Variants in IKZF2 observed in about 807,000 individuals in gnomAD.
The protein encoded by IKZF2 is IKAROS family zinc finger 2, also known as zinc finger protein Helios.
In IKZF2, 15 loss-of-function variants were observed where a neutral mutation model predicts 49.2. That is an observed-to-expected ratio of 0.30 (90% CI 0.20 to 0.47). The LOEUF is 0.47. Ranked by LOEUF, IKZF2 falls within the 20% of genes least tolerant of loss-of-function variation. The pLI, the probability that IKZF2 is intolerant of heterozygous loss-of-function variation, is 1.00. For synonymous variants in IKZF2, 227 were observed against 221.4 expected (o/e 1.03, Z -0.23); for missense variants, 567 against 664.6 (o/e 0.85, Z 1.61).
intron 6 of IKZF2, among the ~76,000 whole-genome samples, chr2:213,029,414 A>G (rs1181291934): frequency 6.6e-6 from 1 of 151,942 alleles, no homozygotes; most frequent in Non-Finnish European, 1.5e-5. Flanking sequence ...TTTTTATTTC[A>G]TCTAGCTGAA....
chr2:213,109,019 A>C (rs1012708306), intron 4 of IKZF2, among the ~76,000 whole-genome samples: 1 of 149,866 alleles, frequency 6.7e-6, no homozygotes, highest in Admixed American at 6.6e-5. Flanking sequence ...ATTTCAAAAA[A>C]TGTCTATGCC....
chr2:213,067,616 A>G (rs1702280757), intron 4 of IKZF2, among the ~76,000 whole-genome samples: 1 of 152,146 alleles, frequency 6.6e-6, no homozygotes, highest in South Asian at 2.1e-4. Context: ...TATTAATAGG[A>G]CAACCAAGTA....
intron 5 of IKZF2, chr2:213,056,475 A>G (rs1413876206): frequency 5.7e-6 from 2 of 353,594 alleles, no homozygotes; most frequent in Admixed American, 8.4e-5. Flanking sequence ...ATAAACTCTT[A>G]TCTAGCAAAC....
chr2:213,053,844 C>A (rs1358542991), intron 5 of IKZF2, among the ~76,000 whole-genome samples: 1 of 152,228 alleles, frequency 6.6e-6, no homozygotes, highest in African/African-American at 2.4e-5. Flanking sequence ...ATTAATAAGA[C>A]ACTGCAATTG....
Position 213,002,342 on chromosome 2 carries a change from T to C in IKZF2, c.*5018A>G, listed in dbSNP as rs1017118834. 6.6e-6 allele frequency: 1 copy of C among 151,346 alleles called. No individual in the cohort carries two copies. The highest frequency in any genetic ancestry group is 6.6e-5 in the Admixed American group (1 of 15,168). The allele number at this position is 151,346 out of a possible 1,614,324, so 9.4% of individuals were successfully genotyped here. On this transcript the variant is annotated 3_prime_UTR_variant, in exon 9 of 9. Coordinates refer to ENST00000434687, the MANE Select transcript of IKZF2 (RefSeq NM_001387220.1). ...TATTCCTAAGAGTGCAGGTGAAAAA[T>C]ATCCTCAAACTTACAGTACAGCAAG...
intron 2 of IKZF2, among the ~76,000 whole-genome samples, chr2:213,148,956 T>C (rs2061174845): frequency 6.6e-6 from 1 of 152,242 alleles, no homozygotes; most frequent in Non-Finnish European, 1.5e-5. Context: ...CTCAAATGTG[T>C]CAGCTTTAAC....
chr2:213,151,682 G>T (rs965094459), upstream of IKZF2: 3 of 149,444 alleles, frequency 2.0e-5, no homozygotes, highest in Non-Finnish European at 4.5e-5. Flanking sequence ...CGCCGGCCGG[G>T]CTCGCGCAGA....
intron 6 of IKZF2, among the ~76,000 whole-genome samples, chr2:213,037,868 G>A (rs1393614363): frequency 6.6e-6 from 1 of 152,102 alleles, no homozygotes; most frequent in African/African-American, 2.4e-5. Context: ...CAGGTGCCAG[G>A]TCTACAATCA....
rs1303539307 is a variant in IKZF2, at chr2:213,002,734, T to C, written c.*4626A>G. The stretch of plus-strand genomic sequence containing the variant: ...CTTTTTCACATTATTCCATCAATTT[T>C]CAATCTCTATTTTCTAACAGATTAG... On this transcript the variant is annotated 3_prime_UTR_variant, in exon 9 of 9. Transcript: ENST00000434687. The C allele has an allele frequency of 6.6e-6, 1 of 151,956 alleles. No individual in the cohort carries two copies. Among genetic ancestry groups the C allele is most frequent in the Non-Finnish European group, 1.5e-5 (1 of 67,566 alleles). 9.4% of individuals were successfully genotyped at this position (151,956 alleles called of 1,614,324 possible). A position where few individuals can be genotyped will look rare whatever the true frequency, so the allele number is the denominator to read the frequency against.
intron 6 of IKZF2, among the ~76,000 whole-genome samples, chr2:213,034,218 T>C (rs1158540294): frequency 6.6e-6 from 1 of 152,264 alleles, no homozygotes; most frequent in Admixed American, 6.5e-5. Flanking sequence ...TTTGATCTTC[T>C]ATCCAGACCA....
At chr2:213,059,893 AAT>A (rs1701517583) in intron 4 of IKZF2, among the ~76,000 whole-genome samples, 1 of 151,438 alleles carries the variant, frequency 6.6e-6, no homozygotes. Flanking sequence ...CTAAAACCGA[AAT>A]AGACAAGAAA....
chr2:213,037,543 AAGTGGCTTTTACCTTCT>A (rs1699155347), intron 6 of IKZF2, among the ~76,000 whole-genome samples: 1 of 152,214 alleles, frequency 6.6e-6, no homozygotes, highest in Admixed American at 6.5e-5. Flanking sequence ...GCCTGACTGA[AAGTGGCTTTTACCTTCT>A]AGGTAAATTT....
At chr2:213,090,953 C>T (rs1705250504) in intron 4 of IKZF2, among the ~76,000 whole-genome samples, 1 of 152,076 alleles carries the variant, frequency 6.6e-6, no homozygotes, top group South Asian at 2.1e-4. Flanking sequence ...TTCGTTACAG[C>T]AAACCAAGGA....
intron 4 of IKZF2, among the ~76,000 whole-genome samples, chr2:213,082,641 T>C (rs949192950): frequency 6.6e-6 from 1 of 152,214 alleles, no homozygotes; most frequent in African/African-American, 2.4e-5. Flanking sequence ...GCACTCAGTA[T>C]ACAGAATATG....
At chr2:213,124,378 G>A (rs2060186512) in intron 4 of IKZF2, among the ~76,000 whole-genome samples, 1 of 151,904 alleles carries the variant, frequency 6.6e-6, no homozygotes, top group South Asian at 2.1e-4. Context: ...AATCAGCTCT[G>A]TCATGAAACT....
At chr2:213,031,648 C>T (rs57025133) in intron 6 of IKZF2, among the ~76,000 whole-genome samples, 38,855 of 151,968 alleles carry the variant, frequency 0.26, 5,396 homozygotes, top group Middle Eastern at 0.29. Flanking sequence ...CAAAATGGGA[C>T]GAAGCAAAAT....
chr2:213,151,108 A>AT (rs1420309291), intron 1 of IKZF2, among the ~76,000 whole-genome samples: 2 of 152,150 alleles, frequency 1.3e-5, no homozygotes, highest in East Asian at 1.9e-4. Context: ...GGGACGATAA[A>AT]TTAAGGCAGA....
At chr2:213,109,640 A>T (rs978220537) in intron 4 of IKZF2, among the ~76,000 whole-genome samples, 1 of 152,038 alleles carries the variant, frequency 6.6e-6, no homozygotes, top group Non-Finnish European at 1.5e-5. Context: ...TTTATGTGCT[A>T]TATATTTATA....
intron 4 of IKZF2, among the ~76,000 whole-genome samples, chr2:213,062,694 A>C (rs1221165050): frequency 6.6e-6 from 1 of 151,936 alleles, no homozygotes; most frequent in African/African-American, 2.4e-5. Flanking sequence ...ATAACTTATA[A>C]GCATGAACAT....
Sources: allele counts gnomAD v4.1 joint callset (sites outside exome capture counted in the v4.1 genomes callset), GRCh38; gene constraint gnomAD v4.1.1; transcripts MANE v1.5; gene names NCBI Gene and HGNC (gene_info 2026-07-23, HGNC 2026-07-21).